CCDC66: variants seen among roughly 807,000 people sequenced by gnomAD.
CCDC66 encodes the protein coiled-coil domain-containing protein 66.
In CCDC66, 133 loss-of-function variants were observed where a neutral mutation model predicts 128.3. That is an observed-to-expected ratio of 1.04 (90% CI 0.90 to 1.20). CCDC66 has a LOEUF of 1.20. CCDC66 is among the 50% of genes most tolerant of loss of function. The pLI is 0.00. For missense variants in CCDC66, 1,126 were observed against 1,075.5 expected (o/e 1.05, Z -0.66); for synonymous variants, 387 against 357.0 (o/e 1.08, Z -0.95).
intron 10 of CCDC66, among the ~76,000 whole-genome samples, chr3:56,597,651 T>G (rs767524525): frequency 1.3e-5 from 2 of 151,918 alleles, no homozygotes; most frequent in Non-Finnish European, 2.9e-5. Flanking sequence ...TGGGATTGCC[T>G]TCTTTATTTC....
chr3:56,587,533 C>T (rs2070011834), intron 7 of CCDC66, among the ~76,000 whole-genome samples: 1 of 149,330 alleles, frequency 6.7e-6, no homozygotes, highest in African/African-American at 2.4e-5. Flanking sequence ...CACTTTTAAA[C>T]GACCAGATCT....
intron 13 of CCDC66, 162 bp downstream of exon 13, chr3:56,616,215 G>A (rs2075487371): frequency 1.8e-6 from 1 of 564,188 alleles, no homozygotes; most frequent in Non-Finnish European, 3.0e-6. Flanking sequence ...AACATGTCAT[G>A]TACCACAAAA....
intron 10 of CCDC66, among the ~76,000 whole-genome samples, chr3:56,599,764 T>A (rs952580348): frequency 2.0e-5 from 3 of 152,078 alleles, no homozygotes; most frequent in Non-Finnish European, 4.4e-5. Context: ...GAAGTCAGTT[T>A]TTTAAAGTTT....
In CCDC66 at chr3:56,619,338, C is replaced by T; in HGVS notation, c.2446C>T (p.Pro816Ser). The T allele has an allele frequency of 6.2e-7, 1 of 1,613,274 alleles. No individual in the cohort carries two copies. The highest frequency in any genetic ancestry group is 8.5e-7 in the Non-Finnish European group (1 of 1,179,444). ...TQQTQNTLHL[P>S]LKNSSYEREN... ...ACAAACTCAAAATACATTACATTTA[C>T]CACTAAAAAACAGTAGCTATGAGAG... The change falls in exon 16 of 18, where the codon CCA becomes TCA. Residue 816 changes from proline to serine, a missense_variant. Physicochemically the swap from Pro to Ser is moderately conservative, Grantham distance 74. Coordinates refer to ENST00000394672, the MANE Select transcript of CCDC66 (RefSeq NM_001141947.3).
chr3:56,562,490 C>T (rs906400916), intron 3 of CCDC66, among the ~76,000 whole-genome samples: 6 of 152,100 alleles, frequency 3.9e-5, no homozygotes, highest in Admixed American at 1.3e-4. Flanking sequence ...ATAATGGATT[C>T]TAAAACTCTT....
At position 56,557,207 on chromosome 3, in the gene CCDC66, C is replaced by G. The variant is rs946630707; in HGVS notation, c.-36C>G. Reference sequence around the variant, plus strand: ...GGCGGCAACCGACGTACACAAGGGGCTTGAGCGTTCTGTGGAGAGAGTGCG... The same window carrying G: ...GGCGGCAACCGACGTACACAAGGGGGTTGAGCGTTCTGTGGAGAGAGTGCG... On this transcript the variant is annotated 5_prime_UTR_variant, in exon 1 of 18. Transcript: ENST00000394672. 1 of 1,551,142 alleles carries G rather than the reference C, an allele frequency of 6.4e-7. No homozygotes were observed. The highest frequency in any genetic ancestry group is 8.7e-7 in the Non-Finnish European group (1 of 1,146,982).
At chr3:56,582,709 G>A (rs956931297) in intron 7 of CCDC66, among the ~76,000 whole-genome samples, 1 of 151,522 alleles carries the variant, frequency 6.6e-6, no homozygotes, top group African/African-American at 2.4e-5. Flanking sequence ...AGAGTTTGAT[G>A]TGGATCCTTC....
intron 10 of CCDC66, among the ~76,000 whole-genome samples, chr3:56,609,455 C>T (rs892713375): frequency 5.9e-5 from 9 of 152,156 alleles, no homozygotes; most frequent in South Asian, 2.1e-4. Flanking sequence ...TGTGTTTTTC[C>T]GCTCACATAA....
chr3:56,617,980 G>C, intron 14 of CCDC66, 192 bp from the exon 15 acceptor site: 3 of 609,304 alleles, frequency 4.9e-6, no homozygotes, highest in Non-Finnish European at 2.9e-6. Context: ...CATAGACAGA[G>C]GTTTGGGAGA....
chr3:56,567,759 C>T (rs4974220), intron 6 of CCDC66, among the ~76,000 whole-genome samples: 52,961 of 151,182 alleles, frequency 0.35, 9,929 homozygotes, highest in East Asian at 0.49. Context: ...GTGGTGTGAT[C>T]TCGGCTCACT....
Position 56,619,791 on chromosome 3 carries a change from C to G in CCDC66, c.2650C>G (p.Arg884Gly). 2.5e-6 allele frequency: 4 copies of G among 1,613,834 alleles called. No individual in the cohort carries two copies. Among genetic ancestry groups the G allele is most frequent in the Non-Finnish European group, 3.4e-6 (4 of 1,179,930 alleles). Residue 884 changes from arginine to glycine, a missense_variant, in exon 17 of 18, where the codon CGA becomes GGA. Transcript: ENST00000394672. ...YQNSQDCGQKRQLFDSDCVRD... is the reference protein window; with the variant it reads ...YQNSQDCGQKGQLFDSDCVRD... Reference sequence around the variant, plus strand: ...TCTGGCTTTAGACTGTGGCCAAAAACGACAGCTATTTGATTCTGACTGTGT... The same window carrying G: ...TCTGGCTTTAGACTGTGGCCAAAAAGGACAGCTATTTGATTCTGACTGTGT...
chr3:56,559,142 G>A (rs2054988), intron 2 of CCDC66, among the ~76,000 whole-genome samples: 48,246 of 151,902 alleles, frequency 0.32, 8,087 homozygotes, highest in East Asian at 0.49. Context: ...AGTATATTGC[G>A]TGTTCATTAT....
chr3:56,583,828 G>C (rs1016649682), intron 7 of CCDC66, among the ~76,000 whole-genome samples: 1 of 151,852 alleles, frequency 6.6e-6, no homozygotes, highest in Non-Finnish European at 1.5e-5. Context: ...CTCCCAGACG[G>C]GGTGGCGGCC....
At chr3:56,597,547 A>C (rs991206815) in intron 10 of CCDC66, among the ~76,000 whole-genome samples, 1 of 151,706 alleles carries the variant, frequency 6.6e-6, no homozygotes, top group Non-Finnish European at 1.5e-5. Flanking sequence ...TCTTTCGTTT[A>C]TTTCATCTGT....
In CCDC66 at chr3:56,615,174, G is replaced by A. The variant is rs774817360; in HGVS notation, c.1613G>A (p.Arg538Gln). The change falls in exon 12 of 18, where the codon CGA becomes CAA. Residue 538 changes from arginine to glutamine, a missense_variant. Arg to Gln is a conservative substitution (Grantham distance 43). Coordinates refer to ENST00000394672, the MANE Select transcript of CCDC66 (RefSeq NM_001141947.3). ...AATGAGCTATTCCAGACAATGCAGC[G>A]AGCACAGGAACTGGCACAGAGACTA... The part of the protein sequence containing the change: ...KTNELFQTMQ[R>Q]AQELAQRLKQ... The A allele has an allele frequency of 1.3e-5, 21 of 1,613,862 alleles. No homozygotes were observed. The highest frequency in any genetic ancestry group is 8.9e-5 in the East Asian group (4 of 44,872).
intron 4 of CCDC66, among the ~76,000 whole-genome samples, chr3:56,565,417 G>A (rs765687968): frequency 2.1e-4 from 32 of 149,834 alleles, no homozygotes; most frequent in Non-Finnish European, 4.1e-4. Context: ...GGGACTACAG[G>A]CGCATGCCAC....
intron 4 of CCDC66, chr3:56,565,210 G>A: frequency 2.9e-6 from 1 of 343,474 alleles, no homozygotes; most frequent in South Asian, 1.9e-5. Context: ...TCAAGGTAAT[G>A]AGTATTTATC....
chr3:56,612,815 CCAA>C (rs2075026991), intron 10 of CCDC66, among the ~76,000 whole-genome samples: 1 of 152,180 alleles, frequency 6.6e-6, no homozygotes, highest in South Asian at 2.1e-4. Context: ...GGTCCCTGGA[CCAA>C]TGTGCTTGGT....
At chr3:56,564,964 A>T (rs2107762497) in intron 4 of CCDC66, among the ~76,000 whole-genome samples, 1 of 152,344 alleles carries the variant, frequency 6.6e-6, no homozygotes, top group East Asian at 1.9e-4. Context: ...CCTGCTTATT[A>T]GGCATAACGA....
Sources: allele counts gnomAD v4.1 joint callset (sites outside exome capture counted in the v4.1 genomes callset), GRCh38; gene constraint gnomAD v4.1.1; transcripts MANE v1.5; gene names NCBI Gene and HGNC (gene_info 2026-07-23, HGNC 2026-07-21).